Variants in DOCK2 observed in about 807,000 individuals in gnomAD.
DOCK2 encodes dedicator of cytokinesis protein 2.
Under a neutral mutation model 248.9 loss-of-function variants are expected in DOCK2, and 87 were observed. That is an observed-to-expected ratio of 0.35 (90% CI 0.29 to 0.42). The LOEUF is 0.42. Among genes scored for constraint, DOCK2 ranks in the 10% least tolerant of loss-of-function variants. The pLI is 1.00. For synonymous variants in DOCK2, 805 were observed against 821.6 expected, an observed-to-expected ratio of 0.98 and a Z score of 0.35; for missense variants, 1,747 against 2,300.2, an observed-to-expected ratio of 0.76 and a Z score of 4.92.
At chr5:169,915,624 GAGACAGAGAC>G (rs1237772283) in intron 27 of DOCK2, among the ~76,000 whole-genome samples, 1 of 151,888 alleles carries the variant, frequency 6.6e-6, no homozygotes, top group Non-Finnish European at 1.5e-5. Flanking sequence ...GGGAGAGAGA[GAGACAGAGAC>G]AGACAGAGAC....
intron 27 of DOCK2, chr5:169,934,765 A>C: frequency 2.2e-6 from 1 of 454,514 alleles, no homozygotes. Flanking sequence ...AGTAAATGCT[A>C]GTTATCATGC....
intron 2 of DOCK2, among the ~76,000 whole-genome samples, chr5:169,666,559 C>T (rs142437877): frequency 6.2e-4 from 95 of 152,206 alleles, no homozygotes; most frequent in African/African-American, 2.1e-3. Flanking sequence ...TTGTACCAAC[C>T]GTTGTTATCT....
Position 169,681,799 on chromosome 5 carries a change from G to T in DOCK2, c.526G>T (p.Asp176Tyr). Residue 176 changes from aspartate (D) to tyrosine (Y), a missense_variant, in exon 7 of 52, where the codon GAT becomes TAT. Asp to Tyr is a radical substitution (Grantham distance 160, BLOSUM62 -3). Around this residue, in one of 4 missense-constraint regions of DOCK2, gnomAD observed 375 missense variants for 510.9 expected, o/e 0.73. Transcript: ENST00000520908. Reference sequence around the variant, plus strand: ...TGAAGACGGAAATATCTTGGACCCTGATAATACCAGTGTCATCAGCTTGTT... The same window carrying T: ...TGAAGACGGAAATATCTTGGACCCTTATAATACCAGTGTCATCAGCTTGTT... ...RDEDGNILDP[D>Y]NTSVISLFHA... 1 of 1,613,874 alleles carries T rather than the reference G, an allele frequency of 6.2e-7. No homozygotes were observed. Among genetic ancestry groups the T allele is most frequent in the Non-Finnish European group, 8.5e-7 (1 of 1,179,892 alleles).
At chr5:169,995,748 G>T (rs1182721835) in intron 29 of DOCK2, among the ~76,000 whole-genome samples, 1 of 152,152 alleles carries the variant, frequency 6.6e-6, no homozygotes, top group African/African-American at 2.4e-5. Flanking sequence ...TGTGGTAGCA[G>T]GTTGTTTATT....
chr5:169,912,707 T>C (rs1002672576), intron 27 of DOCK2, among the ~76,000 whole-genome samples: 3 of 151,950 alleles, frequency 2.0e-5, no homozygotes, highest in Admixed American at 6.6e-5. Context: ...AGTAGGAAAA[T>C]GGAGTGGTCC....
intron 25 of DOCK2, among the ~76,000 whole-genome samples, chr5:169,782,328 G>A (rs1237693176): frequency 6.6e-6 from 1 of 152,012 alleles, no homozygotes; most frequent in Non-Finnish European, 1.5e-5. Context: ...AAGCAGGAGA[G>A]CTGGTTATTT....
chr5:169,976,123 C>T (rs1172967968), intron 27 of DOCK2, among the ~76,000 whole-genome samples: 2 of 152,218 alleles, frequency 1.3e-5, no homozygotes, highest in African/African-American at 4.8e-5. Context: ...TAAATTCAAT[C>T]TCCCATCTAA....
chr5:169,799,896 T>C (rs1008729516), intron 25 of DOCK2, among the ~76,000 whole-genome samples: 2 of 152,078 alleles, frequency 1.3e-5, no homozygotes, highest in African/African-American at 4.8e-5. Context: ...CAGCCTTTAC[T>C]TCCTGGGCTC....
At chr5:169,991,389 A>G (rs1256165632) in intron 29 of DOCK2, among the ~76,000 whole-genome samples, 1 of 152,210 alleles carries the variant, frequency 6.6e-6, no homozygotes, top group East Asian at 1.9e-4. Context: ...TCCTACTCAC[A>G]ACAGCTGACT....
intron 41 of DOCK2, among the ~76,000 whole-genome samples, chr5:170,053,721 AAGAAG>A (rs1354419075): frequency 3.3e-5 from 5 of 152,236 alleles, no homozygotes; most frequent in African/African-American, 9.6e-5. Context: ...GCCATCTCTT[AAGAAG>A]AGAAATCTAT....
chr5:169,888,670 G>C (rs1214566534), intron 27 of DOCK2, among the ~76,000 whole-genome samples: 1 of 152,178 alleles, frequency 6.6e-6, no homozygotes, highest in African/African-American at 2.4e-5. Flanking sequence ...ACGTAGATGA[G>C]ACTCTTCCAC....
At chr5:169,735,352 C>T (rs1394520103) in intron 22 of DOCK2, among the ~76,000 whole-genome samples, 3 of 152,132 alleles carry the variant, frequency 2.0e-5, no homozygotes, top group Admixed American at 2.0e-4. Context: ...CTCTCAGCTC[C>T]CTTCTGCTGT....
chr5:169,883,765 G>A lies in DOCK2; in HGVS notation c.2799+42913G>A, dbSNP rs1392435353. On this transcript the variant is annotated intron_variant, in intron 27 of 51. Coordinates refer to ENST00000520908, the MANE Select transcript of DOCK2 (RefSeq NM_004946.3). The stretch of plus-strand genomic sequence containing the variant: ...CTCAGCTAGGCCAGTTGGATTCTTA[G>A]TGGTCCCATCTTCCTTGAATCTCAC... The A allele has an allele frequency of 3.9e-6, 6 of 1,551,554 alleles. No homozygotes were observed. The African/African-American group carries it at 5.5e-5, about 14-fold the overall frequency.
Position 169,637,359 on chromosome 5 carries a change from G to T in DOCK2, c.33G>T (p.Arg11=). 1 of 1,430,016 alleles carries T rather than the reference G, an allele frequency of 7.0e-7. No homozygotes were observed. The highest frequency in any genetic ancestry group is 1.5e-5 in the African/African-American group (1 of 67,580). The allele number at this position is 1,430,016 out of a possible 1,614,324, so 88.6% of individuals were successfully genotyped here. Residue 11 remains arginine (R), a synonymous_variant, in exon 1 of 52, where the codon CGG becomes CGT. Coordinates refer to ENST00000520908, the MANE Select transcript of DOCK2 (RefSeq NM_004946.3). MAPWRKADKE[R]HGVAIYNFQG... is the part of the protein sequence containing the mutation. ...CCTGGCGCAAAGCTGACAAGGAGCG[G>T]CACGGCGTGGGTAGGTGCGGGCCCC... is the stretch of plus-strand genomic sequence containing the variant.
At chr5:169,768,300 A>G (rs998402649) in intron 25 of DOCK2, among the ~76,000 whole-genome samples, 3 of 152,260 alleles carry the variant, frequency 2.0e-5, no homozygotes, top group Non-Finnish European at 1.5e-5. Context: ...CGCTGTCTCT[A>G]CGGCTCACAG....
At chr5:169,996,702 T>A (rs770458101) in intron 30 of DOCK2, among the ~76,000 whole-genome samples, 15 of 152,172 alleles carry the variant, frequency 9.9e-5, no homozygotes, top group Non-Finnish European at 2.2e-4. Context: ...GCACAAACTC[T>A]GTGGGAAAGT....
At position 170,082,842 on chromosome 5, in the gene DOCK2, T is replaced by C; in HGVS notation, c.5477T>C (p.Leu1826Pro). Residue 1826 changes from leucine to proline, a missense_variant, in exon 52 of 52, where the codon CTG (leucine) becomes CCG (proline). By Grantham distance (98) the Leu-to-Pro change is moderately conservative. Around this residue, in one of 4 missense-constraint regions of DOCK2, gnomAD observed 513 missense variants for 586.1 expected, o/e 0.88. Transcript: ENST00000520908. ...AEEGKQIPDS[L>P]STDL ...GAAGGCAAACAGATCCCAGACTCGC[T>C]GTCCACGGACCTGTGAGCTGCTGCT... The C allele has an allele frequency of 2.5e-6, 4 of 1,614,198 alleles. No homozygotes were observed. Among genetic ancestry groups the C allele is most frequent in the Non-Finnish European group, 3.4e-6 (4 of 1,180,028 alleles).
chr5:169,883,657 A>T (rs766091004), intron 27 of DOCK2: 3 of 1,550,942 alleles, frequency 1.9e-6, no homozygotes, highest in Non-Finnish European at 2.6e-6. Flanking sequence ...GGGGAAGGAG[A>T]GCGAGTAGGT....
chr5:169,981,124 G>A (rs1297760408), intron 27 of DOCK2, among the ~76,000 whole-genome samples: 1 of 152,030 alleles, frequency 6.6e-6, no homozygotes, highest in Non-Finnish European at 1.5e-5. Flanking sequence ...CTTTGTTCTG[G>A]GACTCACTAA....
Sources: allele counts gnomAD v4.1 joint callset (sites outside exome capture counted in the v4.1 genomes callset), GRCh38; gene constraint gnomAD v4.1.1; regional missense constraint gnomAD v4.1.1; transcripts MANE v1.5; gene names NCBI Gene and HGNC (gene_info 2026-07-23, HGNC 2026-07-21).